APOL3: variants seen among roughly 807,000 people sequenced by gnomAD.
APOL3 encodes TNF-inducible protein CG12-1.
APOL3 carries 14 observed loss-of-function variants against 11.6 expected under a neutral mutation model. The ratio of observed to expected loss-of-function variants is 1.21; its 90% CI spans 0.80 to 1.89. The LOEUF (loss-of-function observed/expected upper bound fraction) is 1.89. APOL3 is among the 40% of genes most tolerant of loss of function. The pLI is 0.00. For missense variants in APOL3, 483 were observed against 492.1 expected, an observed-to-expected ratio of 0.98 and a Z score of 0.17; for synonymous variants, 192 against 190.6, an observed-to-expected ratio of 1.01 and a Z score of -0.06.
chr22:36,157,820 C>T (rs1405675064), intron 1 of APOL3, among the ~76,000 whole-genome samples: 7 of 152,168 alleles, frequency 4.6e-5, no homozygotes, highest in East Asian at 1.9e-4. Context: ...CAGGCCAAGG[C>T]GGGTGGATCA....
intron 1 of APOL3, among the ~76,000 whole-genome samples, chr22:36,150,124 G>A (rs1030888926): frequency 3.9e-5 from 6 of 152,116 alleles, no homozygotes; most frequent in African/African-American, 1.4e-4. Flanking sequence ...AATAAATGCT[G>A]ATCTTTATAC....
At chr22:36,156,794 C>T (rs906492926) in intron 1 of APOL3, 1 of 348,124 alleles carries the variant, frequency 2.9e-6, no homozygotes, top group Non-Finnish European at 5.8e-6. Context: ...AAACTCTGAG[C>T]ATCCGGCAGG....
chr22:36,157,091 T>C, intron 1 of APOL3: 4 of 453,146 alleles, frequency 8.8e-6, no homozygotes, highest in South Asian at 3.1e-5. Flanking sequence ...TTCCATTTAT[T>C]TTCTCCCGTG....
chr22:36,149,805 G>T, intron 1 of APOL3: 1 of 455,110 alleles, frequency 2.2e-6, no homozygotes, highest in Non-Finnish European at 4.4e-6. Flanking sequence ...TTCCAAATCT[G>T]TGTCTTGCAC....
chr22:36,144,816 T>C (rs2060124434), intron 2 of APOL3, among the ~76,000 whole-genome samples: 1 of 151,996 alleles, frequency 6.6e-6, no homozygotes, highest in Non-Finnish European at 1.5e-5. Context: ...AAGACCATCC[T>C]GGCTAACACG....
intron 2 of APOL3, 95 bp downstream of exon 3, chr22:36,145,378 C>A: frequency 6.8e-7 from 1 of 1,476,686 alleles, no homozygotes; most frequent in Admixed American, 2.1e-5. Context: ...GAGGGGGCTG[C>A]CTGGAGGAGG....
chr22:36,156,213 T>A (rs1440627262), intron 1 of APOL3, among the ~76,000 whole-genome samples: 1 of 152,144 alleles, frequency 6.6e-6, no homozygotes, highest in Non-Finnish European at 1.5e-5. Flanking sequence ...TCCTGCCTCA[T>A]CCTTCTGAGT....
intron 1 of APOL3, 57 bp from the exon 3 acceptor site, chr22:36,145,656 A>G: frequency 1.9e-6 from 3 of 1,597,566 alleles, no homozygotes; most frequent in South Asian, 2.3e-5. Context: ...CCTAAATGGC[A>G]TTGAGAATAA....
At chr22:36,145,598 T>G in exon 2 of APOL3, 2 of 1,613,474 alleles carry the variant, frequency 1.2e-6, no homozygotes, top group Non-Finnish European at 1.7e-6. Flanking sequence ...AGCGTTTCTT[T>G]TCTACTTGGA....
At chr22:36,149,579 G>A (rs1193119482) in intron 1 of APOL3, among the ~76,000 whole-genome samples, 2 of 152,160 alleles carry the variant, frequency 1.3e-5, no homozygotes, top group East Asian at 1.9e-4. Flanking sequence ...TGCCTCATTC[G>A]ATGATCACAC....
At chr22:36,145,886 G>C (rs888314615) in intron 1 of APOL3, among the ~76,000 whole-genome samples, 1 of 151,336 alleles carries the variant, frequency 6.6e-6, no homozygotes, top group African/African-American at 2.4e-5. Context: ...CTAGTTAAAA[G>C]AAAAAAAAGA....
chr22:36,157,138 G>A (rs972023606), intron 1 of APOL3: 4 of 408,670 alleles, frequency 9.8e-6, no homozygotes, highest in Admixed American at 3.0e-5. Flanking sequence ...CGAGGAGAAA[G>A]AAAAAAGAAA....
intron 1 of APOL3, among the ~76,000 whole-genome samples, chr22:36,151,914 GA>G (rs2011770689): frequency 6.6e-6 from 1 of 152,104 alleles, no homozygotes; most frequent in Non-Finnish European, 1.5e-5. Flanking sequence ...TCTGTTAAAA[GA>G]AAAACAAGTA....
At position 36,146,009 on chromosome 22, in the gene APOL3, TCA is replaced by T. The variant is rs71193208; in HGVS notation, c.224-412_224-411del. On this transcript the variant is annotated intron_variant, in intron 1 of 2. Transcript: ENST00000349314. ...CTCTCTCTCTCTCTCTCTCACACACTCACACACACACACACACACACACATAC... is the reference window on the plus strand; with the variant it reads ...CTCTCTCTCTCTCTCTCTCACACACTCACACACACACACACACACACATAC... 78 of 119,878 alleles carry T rather than the reference TCA, an allele frequency of 6.5e-4. No homozygotes were observed. In the South Asian group the frequency reaches 8.5e-3, roughly 13 times the overall value. The allele number at this position is 119,878 out of a possible 1,614,324, so 7.4% of individuals were successfully genotyped here.
upstream of APOL3, among the ~76,000 whole-genome samples, chr22:36,163,708 C>T (rs111239577): frequency 2.6e-5 from 4 of 152,222 alleles, no homozygotes; most frequent in Non-Finnish European, 4.4e-5. Context: ...GGGACACTCT[C>T]TCCTGGTAAT....
At chr22:36,145,751 G>T in intron 1 of APOL3, 152 bp from the exon 3 acceptor site, 3 of 907,224 alleles carry the variant, frequency 3.3e-6, no homozygotes, top group Non-Finnish European at 4.9e-6. Flanking sequence ...TGAGTTGTGT[G>T]CCCTCCAAAT....
At chr22:36,151,987 A>AGT (rs71322993) in intron 1 of APOL3, among the ~76,000 whole-genome samples, 8,072 of 151,118 alleles carry the variant, frequency 0.053, 211 homozygotes, top group Middle Eastern at 0.096. Context: ...GAAGAATGTG[A>AGT]GTGTGTGTGT....
chr22:36,156,913 A>G (rs2012972725), intron 1 of APOL3: 1 of 455,740 alleles, frequency 2.2e-6, no homozygotes. Context: ...CACTTGGACT[A>G]AAAGCAACCA....
chr22:36,157,887 TAAAAATATC>T (rs146677814), intron 1 of APOL3, among the ~76,000 whole-genome samples: 2,370 of 152,232 alleles, frequency 0.016, 58 homozygotes, highest in African/African-American at 0.054. Flanking sequence ...CTGACTCTAC[TAAAAATATC>T]AAAATTTGCC....
Sources: allele counts gnomAD v4.1 joint callset (sites outside exome capture counted in the v4.1 genomes callset), GRCh38; gene constraint gnomAD v4.1.1; transcripts MANE v1.5; gene names NCBI Gene and HGNC (gene_info 2026-07-23, HGNC 2026-07-21).